Variants in RNF115 observed in about 807,000 individuals in gnomAD.
The protein encoded by RNF115 is ring finger protein 115.
RNF115 carries 31 observed loss-of-function variants against 39.2 expected under a neutral mutation model. The observed-to-expected ratio is 0.79, with a 90% CI of 0.59 to 1.07. The LOEUF (loss-of-function observed/expected upper bound fraction) is 1.07, where lower values mean the gene tolerates loss of function less well. Ranked by LOEUF, RNF115 falls within the 50% of genes least tolerant of loss-of-function variation. RNF115 has a pLI of 0.00. For synonymous variants in RNF115, 124 were observed against 131.0 expected, an observed-to-expected ratio of 0.95 and a Z score of 0.37; for missense variants, 384 against 381.7, an observed-to-expected ratio of 1.01 and a Z score of -0.05.
intron 1 of RNF115, among the ~76,000 whole-genome samples, chr1:145,796,394 G>A (rs1484672974): frequency 1.3e-5 from 2 of 151,038 alleles, no homozygotes; most frequent in African/African-American, 4.9e-5. Flanking sequence ...TACACATTTT[G>A]TGGTAGAAAA....
intron 6 of RNF115, 146 bp downstream of exon 6, chr1:145,751,292 T>A: frequency 1.7e-6 from 1 of 592,204 alleles, no homozygotes; most frequent in South Asian, 2.1e-5. Flanking sequence ...AAATCATTCA[T>A]CCCTTTAGTA....
intron 3 of RNF115, among the ~76,000 whole-genome samples, chr1:145,776,164 ATT>A (rs35710154): frequency 3.3e-5 from 4 of 121,764 alleles, no homozygotes; most frequent in Admixed American, 8.9e-5. Flanking sequence ...TCTGACCAAC[ATT>A]TTTTTTTTTT....
intron 4 of RNF115, among the ~76,000 whole-genome samples, chr1:145,753,382 T>C (rs1402600120): frequency 6.6e-6 from 1 of 152,170 alleles, no homozygotes; most frequent in Non-Finnish European, 1.5e-5. Flanking sequence ...GCCGAGCCAG[T>C]GGAACTCTGG....
At chr1:145,749,303 G>A (rs184824362) in intron 7 of RNF115, among the ~76,000 whole-genome samples, 70 of 152,112 alleles carry the variant, frequency 4.6e-4, no homozygotes, top group African/African-American at 1.6e-3. Context: ...CAAATTCCAC[G>A]GTCTTAACCC....
rs1394888399 is a variant in RNF115, at chr1:145,786,940, T to A, written c.161+1968A>T. On this transcript the variant is annotated intron_variant, in intron 2 of 8. Coordinates refer to ENST00000582693, the MANE Select transcript of RNF115 (RefSeq NM_014455.4). ...TCAAAATAGATCCCATGCCACATATTGCCCCAGAAGCTCCAGCTTATTTAC... is the reference window on the plus strand; with the variant it reads ...TCAAAATAGATCCCATGCCACATATAGCCCCAGAAGCTCCAGCTTATTTAC... 3 of 613,946 alleles carry A rather than the reference T, an allele frequency of 4.9e-6. No individual in the cohort carries two copies. In the East Asian group the frequency reaches 2.0e-4, roughly 41 times the overall value. 38.0% of individuals were successfully genotyped at this position (613,946 alleles called of 1,614,324 possible). A position where few individuals can be genotyped will look rare whatever the true frequency, so the allele number is the denominator to read the frequency against.
chr1:145,780,466 AAAAATTAGCCAGGCG>A (rs1553717179), intron 3 of RNF115, among the ~76,000 whole-genome samples: 1 of 151,782 alleles, frequency 6.6e-6, no homozygotes, highest in Non-Finnish European at 1.5e-5. Context: ...TAAAAATATA[AAAAATTAGCCAGGCG>A]TGGTGGCACG....
At chr1:145,819,795 T>C (rs1650153590) in intron 1 of RNF115, among the ~76,000 whole-genome samples, 1 of 151,928 alleles carries the variant, frequency 6.6e-6, no homozygotes, top group South Asian at 2.1e-4. Flanking sequence ...CTCAGCACTT[T>C]GGGGGGCCAA....
chr1:145,798,692 C>CA (rs1298956712), intron 1 of RNF115, among the ~76,000 whole-genome samples: 13 of 151,472 alleles, frequency 8.6e-5, no homozygotes, highest in Admixed American at 5.9e-4. Flanking sequence ...CTTCTATTTG[C>CA]AAAAAAAATG....
At chr1:145,757,126 G>A (rs182382645) in intron 4 of RNF115, among the ~76,000 whole-genome samples, 40 of 152,132 alleles carry the variant, frequency 2.6e-4, no homozygotes, top group African/African-American at 6.3e-4. Flanking sequence ...GTAAGCCACC[G>A]CACCCAGCCA....
chr1:145,764,241 A>G (rs1288498936), intron 4 of RNF115, among the ~76,000 whole-genome samples: 1 of 152,152 alleles, frequency 6.6e-6, no homozygotes, highest in Non-Finnish European at 1.5e-5. Context: ...GCTGGAGTGC[A>G]GTGGCTTGAT....
At chr1:145,800,657 A>G (rs1553720768) in intron 1 of RNF115, among the ~76,000 whole-genome samples, 1 of 152,174 alleles carries the variant, frequency 6.6e-6, no homozygotes, top group African/African-American at 2.4e-5. Context: ...GGAAAACACC[A>G]TCTTGGATCC....
chr1:145,746,684 G>C lies in RNF115; in HGVS notation c.*182C>G. The C allele has an allele frequency of 5.0e-6, 3 of 598,884 alleles. No individual in the cohort carries two copies. The highest frequency in any genetic ancestry group is 8.5e-6 in the Non-Finnish European group (3 of 353,964). 37.1% of individuals were successfully genotyped at this position (598,884 alleles called of 1,614,324 possible). ...CAGGGATAAGAGGCATTTGGTTGTA[G>C]ATACAATTCCATCTGTAGATACTAA... On this transcript the variant is annotated 3_prime_UTR_variant, in exon 9 of 9. Transcript: ENST00000582693.
rs1205671855 is a variant in RNF115, at chr1:145,739,946, TTC to T, written c.*6918_*6919del. ...AAAAAGGGATATTGCCTATTGTATC[TTC>T]TCTTTCCACAGAATTGTTCTGAGAA... On this transcript the variant is annotated 3_prime_UTR_variant, in exon 9 of 9. Coordinates refer to ENST00000582693, the MANE Select transcript of RNF115 (RefSeq NM_014455.4). 6.6e-6 allele frequency: 1 copy of T among 152,220 alleles called. No homozygotes were observed. Among genetic ancestry groups the T allele is most frequent in the Non-Finnish European group, 1.5e-5 (1 of 68,036 alleles). 9.4% of individuals were successfully genotyped at this position (152,220 alleles called of 1,614,324 possible). A position where few individuals can be genotyped will look rare whatever the true frequency, so the allele number is the denominator to read the frequency against.
chr1:145,815,250 A>C (rs587721589), intron 1 of RNF115, among the ~76,000 whole-genome samples: 1 of 152,428 alleles, frequency 6.6e-6, no homozygotes, highest in African/African-American at 2.4e-5. Flanking sequence ...ATTTTATTAG[A>C]TCAAAGAAGA....
chr1:145,760,523 TA>T (rs2101490130), intron 4 of RNF115, among the ~76,000 whole-genome samples: 1 of 152,284 alleles, frequency 6.6e-6, no homozygotes, highest in Admixed American at 6.5e-5. Flanking sequence ...CTCATGACAG[TA>T]AGTCTCATGA....
intron 3 of RNF115, among the ~76,000 whole-genome samples, chr1:145,777,943 T>G (rs978913296): frequency 6.6e-6 from 1 of 152,176 alleles, no homozygotes; most frequent in African/African-American, 2.4e-5. Flanking sequence ...CTCAATGAGT[T>G]GAACAGTTAC....
At chr1:145,799,876 A>G (rs72704206) in intron 1 of RNF115, among the ~76,000 whole-genome samples, 129,307 of 152,210 alleles carry the variant, frequency 0.85, 55,317 homozygotes, top group African/African-American at 0.95. Context: ...TTACAGGCAT[A>G]AGCCAACAGG....
At chr1:145,788,121 T>C (rs1553718376) in intron 2 of RNF115, among the ~76,000 whole-genome samples, 1 of 152,032 alleles carries the variant, frequency 6.6e-6, no homozygotes, top group East Asian at 1.9e-4. Context: ...TGAGACACAG[T>C]TTCACTCTTG....
chr1:145,798,113 G>A (rs587693499), intron 1 of RNF115, among the ~76,000 whole-genome samples: 35 of 152,246 alleles, frequency 2.3e-4, no homozygotes, highest in African/African-American at 8.2e-4. Flanking sequence ...CAAGTTGATT[G>A]TGTTCATTGA....
Sources: gnomAD v4.1 joint callset for allele counts (sites outside exome capture counted in the v4.1 genomes callset) on GRCh38, gnomAD v4.1.1 for gene constraint, MANE v1.5 for transcripts, NCBI Gene and HGNC (gene_info 2026-07-23, HGNC 2026-07-21) for gene names.